Variants in IKBKB observed in about 807,000 individuals in gnomAD.
IKBKB encodes the protein inhibitor of nuclear factor kappa-B kinase subunit beta.
In IKBKB, 42 loss-of-function variants were observed where a neutral mutation model predicts 113.6. That is an observed-to-expected ratio of 0.37 (90% CI 0.29 to 0.48). The LOEUF (loss-of-function observed/expected upper bound fraction) is 0.48, where lower values mean the gene tolerates loss of function less well. Ranked by LOEUF, IKBKB falls within the 20% of genes least tolerant of loss-of-function variation. The probability of loss-of-function intolerance (pLI) is 0.99; values close to 1 mark genes in which losing one functional copy is unlikely to be tolerated. For missense variants in IKBKB, 673 were observed against 939.7 expected (o/e 0.72, Z 3.71); for synonymous variants, 296 against 361.3 (o/e 0.82, Z 2.05).
Position 42,309,007 on chromosome 8 carries a change from A to C in IKBKB, c.674A>C (p.Asn225Thr). ...ACGGGCTTCCGGCCCTTCCTCCCCA[A>C]CTGGCAGCCCGTGCAGTGGTGAGTG... The part of the protein sequence containing the change: ...CITGFRPFLP[N>T]WQPVQWHSKV... Residue 225 changes from asparagine to threonine, a missense_variant, in exon 8 of 22, where the codon AAC becomes ACC. By Grantham distance (65) the Asn-to-Thr change is moderately conservative. Transcript: ENST00000520810. 2 of 1,614,008 alleles carry C rather than the reference A, an allele frequency of 1.2e-6. No homozygotes were observed. The highest frequency in any genetic ancestry group is 1.7e-6 in the Non-Finnish European group (2 of 1,179,960).
Position 42,272,203 on chromosome 8 carries a change from CAGGT to C in IKBKB, c.105+2_105+5del. 1.2e-6 allele frequency: 2 copies of C among 1,614,156 alleles called. No individual in the cohort carries two copies. Among genetic ancestry groups the C allele is most frequent in the Non-Finnish European group, 1.7e-6 (2 of 1,180,042 alleles). ...TGGAAATGTCATCCGATGGCACAATCAGGTAGGCCCTCTGTGCAGCTTGGGGAGG... is the reference window on the plus strand; with the variant it reads ...TGGAAATGTCATCCGATGGCACAATCAGGCCCTCTGTGCAGCTTGGGGAGG... On this transcript the variant is annotated splice_donor_variant and coding_sequence_variant, in exon 2 of 22. Coordinates refer to ENST00000520810, the MANE Select transcript of IKBKB (RefSeq NM_001556.3). LOFTEE classifies it high-confidence loss of function.
chr8:42,314,154 G>A, intron 8 of IKBKB, 168 bp from the exon 9 acceptor site: 3 of 629,508 alleles, frequency 4.8e-6, no homozygotes, highest in Non-Finnish European at 8.7e-6. Flanking sequence ...CAGGTTTGTA[G>A]CCTAGGAGCA....
intron 8 of IKBKB, chr8:42,313,952 G>T (rs906881995): frequency 1.1e-5 from 2 of 183,664 alleles, no homozygotes; most frequent in Admixed American, 5.6e-5. Context: ...GCTAAGTGTC[G>T]TAGGGATATG....
In IKBKB at chr8:42,325,905, T is replaced by C. The variant is rs1262006068; in HGVS notation, c.1987-65T>C. The C allele has an allele frequency of 1.9e-6, 3 of 1,601,138 alleles. No individual in the cohort carries two copies. In the East Asian group the frequency reaches 6.7e-5, roughly 36 times the overall value. On this transcript the variant is annotated intron_variant, in intron 19 of 21. Coordinates refer to ENST00000520810, the MANE Select transcript of IKBKB (RefSeq NM_001556.3). Reference sequence around the variant, plus strand: ...AGCCAGTTGTCTCCTAAGAAAATACTGTGGCGTGAATGCAAAATGTGATTC... The same window carrying C: ...AGCCAGTTGTCTCCTAAGAAAATACCGTGGCGTGAATGCAAAATGTGATTC...
intron 2 of IKBKB, among the ~76,000 whole-genome samples, chr8:42,273,598 G>C (rs1274556270): frequency 1.3e-5 from 2 of 152,042 alleles, no homozygotes; most frequent in Non-Finnish European, 2.9e-5. Flanking sequence ...TAGAGATGGG[G>C]TCTTGCTATG....
chr8:42,303,075 G>A (rs1221450843), intron 5 of IKBKB, among the ~76,000 whole-genome samples: 1 of 147,528 alleles, frequency 6.8e-6, no homozygotes, highest in Admixed American at 6.6e-5. Flanking sequence ...GAGAGAGAGA[G>A]AGAGAGAGAG....
In IKBKB at chr8:42,309,054, G is replaced by C. The variant is rs753133075; in HGVS notation, c.692+29G>C. 6.2e-6 allele frequency: 10 copies of C among 1,606,790 alleles called. No individual in the cohort carries two copies. In the African/African-American group the frequency reaches 1.3e-4, roughly 21 times the overall value. On this transcript the variant is annotated intron_variant, in intron 8 of 21. Coordinates refer to ENST00000520810, the MANE Select transcript of IKBKB (RefSeq NM_001556.3). ...AGTGGGCCCGGGGCACCTGGATGGA[G>C]GAGGGAGCCTGTCTGTTCCTTTCTC...
chr8:42,274,442 T>TCCC (rs367748632), intron 2 of IKBKB, among the ~76,000 whole-genome samples: 24 of 152,144 alleles, frequency 1.6e-4, no homozygotes, highest in African/African-American at 2.9e-4. Context: ...TCTCCCTATT[T>TCCC]CCCTCCACAA....
At chr8:42,271,558 G>T (rs1807726579) in intron 1 of IKBKB, 89 bp downstream of exon 1, 3 of 567,208 alleles carry the variant, frequency 5.3e-6, no homozygotes, top group Non-Finnish European at 6.1e-6. Flanking sequence ...CCTCTGTGCC[G>T]CTGGGAAGTC....
intron 13 of IKBKB, 59 bp downstream of exon 13, chr8:42,318,734 G>A: frequency 6.6e-7 from 1 of 1,504,602 alleles, no homozygotes; most frequent in Non-Finnish European, 8.9e-7. Context: ...GGTGGCTTTG[G>A]CCACAGGGAG....
rs1819400517 is a variant in IKBKB at position 42,319,677 on chromosome 8, A to G, written c.1578+31A>G. 5.2e-6 allele frequency: 8 copies of G among 1,542,894 alleles called. No homozygotes were observed. The South Asian group carries it at 8.6e-5, about 16-fold the overall frequency. ...AGACTCATTTTGGGTTTCGGAACTTACCAAGGGGGTGAGATTTTGTGCTCC... is the reference window on the plus strand; with the variant it reads ...AGACTCATTTTGGGTTTCGGAACTTGCCAAGGGGGTGAGATTTTGTGCTCC... On this transcript the variant is annotated intron_variant, in intron 15 of 21. Coordinates refer to ENST00000520810, the MANE Select transcript of IKBKB (RefSeq NM_001556.3).
intron 3 of IKBKB, among the ~76,000 whole-genome samples, chr8:42,289,435 C>G (rs1812106874): frequency 6.6e-6 from 1 of 152,198 alleles, no homozygotes; most frequent in East Asian, 1.9e-4. Context: ...CTTCTTTCCT[C>G]CTATATTTCC....
At chr8:42,293,830 A>C (rs1813158303) in intron 5 of IKBKB, among the ~76,000 whole-genome samples, 1 of 152,176 alleles carries the variant, frequency 6.6e-6, no homozygotes, top group African/African-American at 2.4e-5. Flanking sequence ...CGCTGGAATA[A>C]GTTGTCATTC....
At chr8:42,321,995 G>T (rs761295756) in intron 17 of IKBKB, 50 bp downstream of exon 17, 3 of 1,605,584 alleles carry the variant, frequency 1.9e-6, no homozygotes, top group Non-Finnish European at 2.6e-6. Context: ...CTCATTTATG[G>T]GGCATCACTA....
intron 8 of IKBKB, among the ~76,000 whole-genome samples, chr8:42,310,023 C>T (rs1483784252): frequency 6.6e-6 from 1 of 152,180 alleles, no homozygotes; most frequent in Non-Finnish European, 1.5e-5. Flanking sequence ...ACAATGTGTA[C>T]ATCATGTTGT....
rs199990196 is a variant in IKBKB at position 42,306,450 on chromosome 8, C to G, written c.567+18C>G. The stretch of plus-strand genomic sequence containing the variant: ...AGTACCTGGTAAGAAGTGGGCCTTG[C>G]CTGTTTGCCTGTCAGCTCCTCCCTG... On this transcript the variant is annotated intron_variant, in intron 7 of 21. Coordinates refer to ENST00000520810, the MANE Select transcript of IKBKB (RefSeq NM_001556.3). 3.7e-5 allele frequency: 56 copies of G among 1,528,214 alleles called. No individual in the cohort carries two copies. Among genetic ancestry groups the G allele is most frequent in the Non-Finnish European group, 4.6e-5 (51 of 1,101,866 alleles). 94.7% of individuals were successfully genotyped at this position (1,528,214 alleles called of 1,614,324 possible).
At position 42,332,146 on chromosome 8, in the gene IKBKB, T is replaced by C. The variant is rs1821743143; in HGVS notation, c.*1167T>C. 1 of 152,246 alleles carries C rather than the reference T, an allele frequency of 6.6e-6. No homozygotes were observed. The highest frequency in any genetic ancestry group is 1.5e-5 in the Non-Finnish European group (1 of 68,082). 9.4% of individuals were successfully genotyped at this position (152,246 alleles called of 1,614,324 possible). A position where few individuals can be genotyped will look rare whatever the true frequency, so the allele number is the denominator to read the frequency against. The stretch of plus-strand genomic sequence containing the variant: ...CAGATGATCACAAACAGGTGAGTTT[T>C]GTTGGAGAAGAAAGTTGGAGTAGGA... On this transcript the variant is annotated 3_prime_UTR_variant, in exon 22 of 22. Coordinates refer to ENST00000520810, the MANE Select transcript of IKBKB (RefSeq NM_001556.3).
At chr8:42,317,168 G>A (rs917543918) in intron 11 of IKBKB, 49 of 479,034 alleles carry the variant, frequency 1.0e-4, no homozygotes, top group African/African-American at 8.9e-4. Context: ...TATAACACTC[G>A]AATCTCTCAA....
In IKBKB at chr8:42,319,629, G is replaced by A; in HGVS notation, c.1561G>A (p.Val521Met). The A allele has an allele frequency of 6.3e-7, 1 of 1,592,176 alleles. No homozygotes were observed. The highest frequency in any genetic ancestry group is 8.5e-7 in the Non-Finnish European group (1 of 1,173,046). ...GGCCTGGAGGGAAATGGAGCAGGCT[G>A]TGGAGCTCTGTGGGCGGGTAGGAGA... ...LLAWREMEQA[V>M]ELCGRENEVK... is the part of the protein sequence containing the mutation. Residue 521 changes from valine to methionine, a missense_variant, in exon 15 of 22, where the codon GTG becomes ATG. Val to Met is a conservative substitution (Grantham distance 21). This residue lies in a region of IKBKB where 506 missense variants were observed against 638.7 expected (regional missense o/e 0.79). Coordinates refer to ENST00000520810, the MANE Select transcript of IKBKB (RefSeq NM_001556.3).
Sources: allele counts gnomAD v4.1 joint callset (sites outside exome capture counted in the v4.1 genomes callset), GRCh38; gene constraint gnomAD v4.1.1; regional missense constraint gnomAD v4.1.1; transcripts MANE v1.5; gene names NCBI Gene and HGNC (gene_info 2026-07-23, HGNC 2026-07-21).